Variants in TRAFD1 observed in about 807,000 individuals in gnomAD.
TRAFD1 encodes TRAF-type zinc finger domain containing 1, also known as TRAF-type zinc finger domain-containing protein 1.
Under a neutral mutation model 65.3 loss-of-function variants are expected in TRAFD1, and 38 were observed. That is an observed-to-expected ratio of 0.58 (90% CI 0.45 to 0.76). The LOEUF (loss-of-function observed/expected upper bound fraction) is 0.76. Ranked by LOEUF, TRAFD1 falls within the 30% of genes least tolerant of loss-of-function variation. TRAFD1 has a pLI of 0.00. For synonymous variants in TRAFD1, 223 were observed against 257.2 expected, an observed-to-expected ratio of 0.87 and a Z score of 1.27; for missense variants, 631 against 712.6, an observed-to-expected ratio of 0.89 and a Z score of 1.30.
At position 112,141,128 on chromosome 12, in the gene TRAFD1, C is replaced by T. The variant is rs777216818; in HGVS notation, c.547C>T (p.Arg183Ter). 9.3e-6 allele frequency: 15 copies of T among 1,614,060 alleles called. No individual in the cohort carries two copies. Among genetic ancestry groups the T allele is most frequent in the Non-Finnish European group, 1.1e-5 (13 of 1,180,036 alleles). The change falls in exon 5 of 12, where the codon CGA becomes TGA. Residue 183 changes from arginine to a stop codon, truncating the protein, a stop_gained. Coordinates refer to ENST00000412615, the MANE Select transcript of TRAFD1 (RefSeq NM_006700.3). LOFTEE classifies it high-confidence loss of function. Reference sequence around the variant, plus strand: ...TCTGGACCCACCCATGAGGCTGCCGCGAAGGCCCCTGAGAGCCTTTGAATC... The same window carrying T: ...TCTGGACCCACCCATGAGGCTGCCGTGAAGGCCCCTGAGAGCCTTTGAATC... ...EALDPPMRLP[R>*]RPLRAFESDV...
At chr12:112,147,865 T>A (rs2030296937) in intron 7 of TRAFD1, among the ~76,000 whole-genome samples, 1 of 152,134 alleles carries the variant, frequency 6.6e-6, no homozygotes, top group Non-Finnish European at 1.5e-5. Flanking sequence ...GAGATGGGGT[T>A]TCACTGTCTT....
chr12:112,145,180 G>C (rs991925061), intron 6 of TRAFD1, among the ~76,000 whole-genome samples: 1 of 152,156 alleles, frequency 6.6e-6, no homozygotes, highest in African/African-American at 2.4e-5. Flanking sequence ...GAGTATTCAG[G>C]ATATTGTTTG....
intron 1 of TRAFD1, among the ~76,000 whole-genome samples, chr12:112,127,384 C>T (rs1253538474): frequency 6.6e-6 from 1 of 152,220 alleles, no homozygotes; most frequent in Non-Finnish European, 1.5e-5. Flanking sequence ...TTCTCTACCA[C>T]TAAATCGCTT....
chr12:112,137,596 A>G lies in TRAFD1; in HGVS notation c.237+2530A>G, dbSNP rs921999216. 1.3e-5 allele frequency among the ~76,000 whole-genome samples: 2 copies of G among 151,968 alleles called. No homozygotes were observed. Among genetic ancestry groups the G allele is most frequent in the African/African-American group, 4.8e-5 (2 of 41,396 alleles). On this transcript the variant is annotated intron_variant, in intron 4 of 11. Transcript: ENST00000412615. This position sits in a 1 kb window ranked among gnomAD's most constrained non-coding sequence, Gnocchi z 4.2. ...GCTAATACGGTGAAACCCCGTCTCT[A>G]CTAAAAATACATAAAATTAGCTGGG...
intron 1 of TRAFD1, among the ~76,000 whole-genome samples, chr12:112,127,406 A>C (rs976211548): frequency 1.3e-5 from 2 of 152,172 alleles, no homozygotes; most frequent in Admixed American, 1.3e-4. Flanking sequence ...ATCAGAGACT[A>C]TATTTCCTTA....
At position 112,153,218 on chromosome 12, in the gene TRAFD1, G is replaced by C; in HGVS notation, c.*427G>C. The C allele has an allele frequency of 5.7e-6, 1 of 176,732 alleles. No homozygotes were observed. Among genetic ancestry groups the C allele is most frequent in the Non-Finnish European group, 1.2e-5 (1 of 82,820 alleles). 10.9% of individuals were successfully genotyped at this position (176,732 alleles called of 1,614,324 possible). ...CTTTTGGGCAACCTCTCCGTGTACT[G>C]CGTCTGTCCACACTCGATTGGGCCC... On this transcript the variant is annotated 3_prime_UTR_variant, in exon 12 of 12. Coordinates refer to ENST00000412615, the MANE Select transcript of TRAFD1 (RefSeq NM_006700.3).
rs757709552 is a variant in TRAFD1, at chr12:112,130,591, A to C, written c.47+22A>C. Reference sequence around the variant, plus strand: ...ACTGGTAAGACATTAAATCTAAGAAATGTTAGTGGAATGAGGACAGTCAAG... The same window carrying C: ...ACTGGTAAGACATTAAATCTAAGAACTGTTAGTGGAATGAGGACAGTCAAG... On this transcript the variant is annotated intron_variant, in intron 2 of 11. Transcript: ENST00000412615. The surrounding 1 kb of genome is among the most constrained non-coding windows in gnomAD (Gnocchi z 4.4). 1.9e-6 allele frequency: 3 copies of C among 1,604,860 alleles called. No homozygotes were observed. The Admixed American group carries it at 5.0e-5, about 27-fold the overall frequency.
At chr12:112,146,586 AC>A (rs1352420402) in intron 7 of TRAFD1, among the ~76,000 whole-genome samples, 2 of 152,208 alleles carry the variant, frequency 1.3e-5, no homozygotes, top group Non-Finnish European at 2.9e-5. Flanking sequence ...TACTTTATCT[AC>A]CTGAAAGGTG....
At position 112,152,469 on chromosome 12, in the gene TRAFD1, A is replaced by G. The variant is rs750894557; in HGVS notation, c.1662A>G (p.Ala554=). ...GCAGGAATTCCCGGGTCACCCCTGC[A>G]GCTGCCAACTACCGCAGCAGAACTG... The part of the protein sequence containing the change: ...EGGRNSRVTP[A]AANYRSRTAK... The change falls in exon 11 of 12, where the codon GCA becomes GCG. Residue 554 remains alanine, a synonymous_variant. Coordinates refer to ENST00000412615, the MANE Select transcript of TRAFD1 (RefSeq NM_006700.3). The surrounding 1 kb of genome is among the most constrained non-coding windows in gnomAD (Gnocchi z 5.0). 6.2e-7 allele frequency: 1 copy of G among 1,614,010 alleles called. No individual in the cohort carries two copies. Among genetic ancestry groups the G allele is most frequent in the South Asian group, 1.1e-5 (1 of 91,084 alleles).
At chr12:112,140,109 T>A in intron 4 of TRAFD1, 1 of 329,540 alleles carries the variant, frequency 3.0e-6, no homozygotes, top group Non-Finnish European at 6.0e-6. Context: ...TTTCTTTTCC[T>A]CATTATTAGG....
intron 9 of TRAFD1, among the ~76,000 whole-genome samples, chr12:112,150,497 C>T (rs2030370571): frequency 6.6e-6 from 1 of 152,160 alleles, no homozygotes; most frequent in Non-Finnish European, 1.5e-5. Flanking sequence ...AGTCCTCCTG[C>T]CTTGGACTCC....
intron 8 of TRAFD1, 104 bp from the exon 9 acceptor site, chr12:112,149,647 A>C: frequency 6.7e-7 from 1 of 1,486,684 alleles, no homozygotes; most frequent in Non-Finnish European, 9.1e-7. Flanking sequence ...GAGGTTGTCA[A>C]AGTCCCCCTC....
chr12:112,133,488 T>A (rs2079576174), intron 2 of TRAFD1, among the ~76,000 whole-genome samples: 1 of 152,150 alleles, frequency 6.6e-6, no homozygotes. Context: ...TTTTTGTTGT[T>A]GTTTTGGTTT....
chr12:112,134,861 A>C lies in TRAFD1; in HGVS notation c.171A>C (p.Ala57=). The change falls in exon 3 of 12, where the codon GCA becomes GCC. Residue 57 remains alanine, a synonymous_variant. Coordinates refer to ENST00000412615, the MANE Select transcript of TRAFD1 (RefSeq NM_006700.3). ...PKSDMETHMA[A]EHCQVTCKCN... is the part of the protein sequence containing the mutation. Reference sequence around the variant, plus strand: ...CTGACATGGAGACTCACATGGCTGCAGAACACTGTCAGGTGAGCCACCAAG... The same window carrying C: ...CTGACATGGAGACTCACATGGCTGCCGAACACTGTCAGGTGAGCCACCAAG... 1 of 1,613,186 alleles carries C rather than the reference A, an allele frequency of 6.2e-7. No homozygotes were observed. Among genetic ancestry groups the C allele is most frequent in the Non-Finnish European group, 8.5e-7 (1 of 1,179,080 alleles).
chr12:112,135,550 C>T (rs1490596647), intron 4 of TRAFD1, among the ~76,000 whole-genome samples: 1 of 152,096 alleles, frequency 6.6e-6, no homozygotes, highest in African/African-American at 2.4e-5. Context: ...TCTCCTGCCT[C>T]GGCCTCCTGA....
chr12:112,129,628 A>T (rs1156619015), intron 1 of TRAFD1, among the ~76,000 whole-genome samples: 1 of 151,816 alleles, frequency 6.6e-6, no homozygotes, highest in African/African-American at 2.4e-5. Flanking sequence ...TCTGTAAGGG[A>T]TGTTATTTTA....
chr12:112,134,001 A>ATTTT (rs545753010), intron 2 of TRAFD1, among the ~76,000 whole-genome samples: 5 of 95,154 alleles, frequency 5.3e-5, no homozygotes, highest in Non-Finnish European at 1.0e-4. Flanking sequence ...AAAGGATTTA[A>ATTTT]TTTTTTTTTT....
chr12:112,129,964 T>G (rs1231205614), intron 1 of TRAFD1, among the ~76,000 whole-genome samples: 1 of 151,136 alleles, frequency 6.6e-6, no homozygotes, highest in Non-Finnish European at 1.5e-5. Flanking sequence ...TTATTATTAT[T>G]TTTGAGACAG....
chr12:112,129,527 A>G (rs1233032207), intron 1 of TRAFD1, among the ~76,000 whole-genome samples: 1 of 152,058 alleles, frequency 6.6e-6, no homozygotes, highest in African/African-American at 2.4e-5. Flanking sequence ...AATGAATTCT[A>G]TAGATTAGTT....
Sources: allele counts gnomAD v4.1 joint callset (sites outside exome capture counted in the v4.1 genomes callset), GRCh38; gene constraint gnomAD v4.1.1; non-coding constraint Gnocchi (gnomAD v3.1); transcripts MANE v1.5; gene names NCBI Gene and HGNC (gene_info 2026-07-23, HGNC 2026-07-21).